SLC9B2: variants seen among roughly 807,000 people sequenced by gnomAD.
SLC9B2 encodes sodium/hydrogen exchanger 9B2.
A neutral mutation model predicts 52.2 loss-of-function variants in SLC9B2; 39 were observed. That is an observed-to-expected ratio of 0.75 (90% CI 0.58 to 0.98). The LOEUF is 0.98. Ranked by LOEUF, SLC9B2 falls within the 50% of genes least tolerant of loss-of-function variation. The pLI, the probability that SLC9B2 is intolerant of heterozygous loss-of-function variation, is 0.00. For missense variants in SLC9B2, 626 were observed against 637.5 expected, an observed-to-expected ratio of 0.98 and a Z score of 0.19; for synonymous variants, 214 against 227.0, an observed-to-expected ratio of 0.94 and a Z score of 0.51.
chr4:103,023,302 C>G lies in SLC9B2; in HGVS notation c.*3068G>C, dbSNP rs1741934609. On this transcript the variant is annotated 3_prime_UTR_variant, in exon 12 of 12. Transcript: ENST00000394785. ...GGGAGCTGATTTAATAAGAGACAAACATGTAAATAAAGTGAAAAAAAGTGT... is the reference window on the plus strand; with the variant it reads ...GGGAGCTGATTTAATAAGAGACAAAGATGTAAATAAAGTGAAAAAAAGTGT... Among the ~76,000 whole-genome samples, 1 of 152,102 alleles carries G rather than the reference C, an allele frequency of 6.6e-6. No homozygotes were observed. Among genetic ancestry groups the G allele is most frequent in the African/African-American group, 2.4e-5 (1 of 41,414 alleles).
downstream of SLC9B2, among the ~76,000 whole-genome samples, chr4:103,018,082 C>T (rs765865893): frequency 3.3e-5 from 5 of 152,154 alleles, no homozygotes; most frequent in African/African-American, 4.8e-5. Context: ...GTTCCAGGTA[C>T]TATTCAATCT....
chr4:103,067,331 T>G, intron 2 of SLC9B2, 130 bp downstream of exon 2: 2 of 726,800 alleles, frequency 2.8e-6, no homozygotes, highest in Non-Finnish European at 4.7e-6. Context: ...TAGGGTCAGC[T>G]GGCAATGATG....
rs527342067 is a variant in SLC9B2, at chr4:103,072,119, C to T, written c.-43+4065G>A. Reference sequence around the variant, plus strand: ...TTTTGCCCAGGCTGGAGTGCAGTGGCGAGATCTCAGCTCACTGCAACCTCT... The same window carrying T: ...TTTTGCCCAGGCTGGAGTGCAGTGGTGAGATCTCAGCTCACTGCAACCTCT... On this transcript the variant is annotated intron_variant, in intron 1 of 11. Coordinates refer to ENST00000394785, the MANE Select transcript of SLC9B2 (RefSeq NM_178833.7). Among the ~76,000 whole-genome samples the T allele has an allele frequency of 2.7e-4, 34 of 127,330 alleles. No individual in the cohort carries two copies. The South Asian group carries it at 7.2e-3, about 27-fold the overall frequency. The allele number at this position is 127,330 out of a possible 152,430, so 83.5% of individuals were successfully genotyped here.
chr4:103,040,898 C>G (rs1310490520), intron 9 of SLC9B2, among the ~76,000 whole-genome samples: 1 of 152,164 alleles, frequency 6.6e-6, no homozygotes. Context: ...AGCCCCACCA[C>G]AGTCTAAAAT....
chr4:103,058,076 A>T, intron 3 of SLC9B2, 105 bp from the exon 4 acceptor site: 1 of 1,046,280 alleles, frequency 9.6e-7, no homozygotes, highest in Non-Finnish European at 1.4e-6. Context: ...GAAAATGCAA[A>T]TATTTATAAT....
Position 103,024,931 on chromosome 4 carries a change from C to T in SLC9B2, c.*1439G>A, listed in dbSNP as rs1290262796. Among the ~76,000 whole-genome samples the T allele has an allele frequency of 1.3e-5, 2 of 152,152 alleles. No homozygotes were observed. Among genetic ancestry groups the T allele is most frequent in the African/African-American group, 4.8e-5 (2 of 41,434 alleles). On this transcript the variant is annotated 3_prime_UTR_variant, in exon 12 of 12. Coordinates refer to ENST00000394785, the MANE Select transcript of SLC9B2 (RefSeq NM_178833.7). The stretch of plus-strand genomic sequence containing the variant: ...CAAGTCACAATTTCTGAAATCCCTG[C>T]CATAGAAGTCACTCTTTTGGTTTAA...
At position 103,067,490 on chromosome 4, in the gene SLC9B2, A is replaced by G; in HGVS notation, c.61T>C (p.Tyr21His). The change falls in exon 2 of 12, where the codon TAC becomes CAC. Residue 21 changes from tyrosine (Y) to histidine (H), a missense_variant. By Grantham distance (83) the Tyr-to-His change is moderately conservative. Coordinates refer to ENST00000394785, the MANE Select transcript of SLC9B2 (RefSeq NM_178833.7). ...GCTTCTTGATGCATGGAGGGCGTGT[A>G]ATTCATTCCTGTGGATGGTTCTGAA... is the stretch of plus-strand genomic sequence containing the variant. Reference protein sequence around the residue: ...EDSEPSTGMNYTPSMHQEAQE... With the variant: ...EDSEPSTGMNHTPSMHQEAQE... 6.2e-7 allele frequency: 1 copy of G among 1,613,480 alleles called. No individual in the cohort carries two copies. Among genetic ancestry groups the G allele is most frequent in the Non-Finnish European group, 8.5e-7 (1 of 1,179,540 alleles).
intron 7 of SLC9B2, among the ~76,000 whole-genome samples, chr4:103,045,313 T>G (rs1744024265): frequency 6.6e-6 from 1 of 152,206 alleles, no homozygotes; most frequent in African/African-American, 2.4e-5. Context: ...GGTCTCTTGT[T>G]ATTATGGCAA....
At chr4:103,035,742 C>T (rs1050507542) in intron 9 of SLC9B2, among the ~76,000 whole-genome samples, 1 of 152,094 alleles carries the variant, frequency 6.6e-6, no homozygotes, top group Admixed American at 6.6e-5. Context: ...ATAAATAGAA[C>T]TACCATTTGA....
intron 1 of SLC9B2, among the ~76,000 whole-genome samples, chr4:103,072,553 T>C (rs1411449204): frequency 6.6e-6 from 1 of 152,220 alleles, no homozygotes; most frequent in African/African-American, 2.4e-5. Context: ...AAATGTTCTC[T>C]TTTTCATATT....
intron 9 of SLC9B2, among the ~76,000 whole-genome samples, chr4:103,038,784 A>C (rs1008669157): frequency 6.6e-6 from 1 of 152,232 alleles, no homozygotes; most frequent in African/African-American, 2.4e-5. Flanking sequence ...ATCAACAAAA[A>C]AATCTGTAAA....
intron 8 of SLC9B2, 24 bp downstream of exon 8, chr4:103,044,866 T>C: frequency 6.4e-7 from 1 of 1,555,232 alleles, no homozygotes; most frequent in East Asian, 2.2e-5. Flanking sequence ...AGAGCACAAC[T>C]TTCCCACATA....
chr4:103,020,015 G>A (rs757138269), downstream of SLC9B2: 29 of 769,204 alleles, frequency 3.8e-5, no homozygotes, highest in African/African-American at 5.3e-4. Context: ...AGCTTAAAGT[G>A]CAATGGTAGA....
rs542548844 is a variant in SLC9B2, at chr4:103,068,069, C to T, written c.-42-477G>A. ...ATTTCTAAATTAAAGTTTAAAAATA[C>T]ACCACAATTGACTGAGTAGCCAGAA... On this transcript the variant is annotated intron_variant, in intron 1 of 11. Transcript: ENST00000394785. 7.2e-5 allele frequency among the ~76,000 whole-genome samples: 11 copies of T among 152,244 alleles called. No individual in the cohort carries two copies. In the South Asian group the frequency reaches 1.7e-3, roughly 23 times the overall value.
At chr4:103,059,431 GC>G (rs1745438422) in intron 3 of SLC9B2, among the ~76,000 whole-genome samples, 1 of 152,186 alleles carries the variant, frequency 6.6e-6, no homozygotes, top group African/African-American at 2.4e-5. Flanking sequence ...AGCGTTGGCA[GC>G]TTCTTTACCT....
intron 9 of SLC9B2, among the ~76,000 whole-genome samples, chr4:103,035,470 A>C (rs1260401069): frequency 6.6e-6 from 1 of 152,174 alleles, no homozygotes; most frequent in Non-Finnish European, 1.5e-5. Flanking sequence ...TTATAACAGA[A>C]TGATTTATAT....
At chr4:103,065,023 G>A (rs568092333) in intron 3 of SLC9B2, among the ~76,000 whole-genome samples, 1 of 151,972 alleles carries the variant, frequency 6.6e-6, no homozygotes, top group East Asian at 1.9e-4. Flanking sequence ...AGGAGTTCAA[G>A]ACAAACCTGG....
chr4:103,064,333 T>C (rs1745915666), intron 3 of SLC9B2, among the ~76,000 whole-genome samples: 1 of 152,236 alleles, frequency 6.6e-6, no homozygotes, highest in Non-Finnish European at 1.5e-5. Flanking sequence ...AATGAAATCC[T>C]GTCATTTGCA....
At position 103,022,768 on chromosome 4, in the gene SLC9B2, A is replaced by C. The variant is rs1741886911; in HGVS notation, c.*3602T>G. ...CCACACATTCATATGTTGAAGCCTT[A>C]ACTTCCAATGTGATGTATTTAGATA... On this transcript the variant is annotated 3_prime_UTR_variant, in exon 12 of 12. Transcript: ENST00000394785. 2.0e-5 allele frequency among the ~76,000 whole-genome samples: 3 copies of C among 152,308 alleles called. No homozygotes were observed. The South Asian group carries it at 6.2e-4, about 32-fold the overall frequency.
Sources: allele counts gnomAD v4.1 joint callset (sites outside exome capture counted in the v4.1 genomes callset), GRCh38; gene constraint gnomAD v4.1.1; transcripts MANE v1.5; gene names NCBI Gene and HGNC (gene_info 2026-07-23, HGNC 2026-07-21).